Variants in MUC5B observed in about 807,000 individuals in gnomAD.
The protein encoded by MUC5B is mucin 5B, oligomeric mucus/gel-forming, also known as mucin-5B.
MUC5B carries 116 observed loss-of-function variants against 376.9 expected under a neutral mutation model. The observed-to-expected ratio is 0.31, with a 90% confidence interval of 0.26 to 0.36. MUC5B has a LOEUF of 0.36. Ranked by LOEUF, MUC5B falls within the 10% of genes least tolerant of loss-of-function variation. The probability of loss-of-function intolerance (pLI) is 1.00; values close to 1 mark genes in which losing one functional copy is unlikely to be tolerated. For missense variants in MUC5B, 7,165 were observed against 7,769.9 expected, an observed-to-expected ratio of 0.92 and a Z score of 2.93; for synonymous variants, 3,517 against 3,390.9, an observed-to-expected ratio of 1.04 and a Z score of -1.29.
intron 11 of MUC5B, 24 bp from the exon 12 acceptor site, chr11:1,230,466 G>A (rs372570353): frequency 1.8e-5 from 28 of 1,566,276 alleles, no homozygotes; most frequent in Non-Finnish European, 2.0e-5. Flanking sequence ...CAGGCCCAAT[G>A]CACGCGTGGG....
rs1051325599 is a variant in MUC5B at position 1,240,906 on chromosome 11, C to A, written c.4026C>A (p.Ser1342Arg). 4 of 1,612,832 alleles carry A rather than the reference C, an allele frequency of 2.5e-6. No homozygotes were observed. The highest frequency in any genetic ancestry group is 3.4e-6 in the Non-Finnish European group (4 of 1,179,822). ...TCCGCGAGGTCTGCCGCTGGTCCAG[C>A]TGGTACAATGGGCACCGCCCAGAGC... ...VCVREVCRWS[S>R]WYNGHRPEPG... The change falls in exon 31 of 49, where the codon AGC (serine) becomes AGA (arginine). Residue 1342 changes from serine to arginine, a missense_variant. This residue lies in a region of MUC5B where 517 missense variants were observed against 545.3 expected (regional missense o/e 0.95). Coordinates refer to ENST00000529681, the MANE Select transcript of MUC5B (RefSeq NM_002458.3).
Position 1,254,304 on chromosome 11 carries a change from G to T in MUC5B, c.15430G>T (p.Asp5144Tyr), listed in dbSNP as rs748474581. 16 of 1,608,768 alleles carry T rather than the reference G, an allele frequency of 9.9e-6. No individual in the cohort carries two copies. The highest frequency in any genetic ancestry group is 1.6e-4 in the Middle Eastern group (1 of 6,082). Residue 5144 changes from aspartate (D) to tyrosine (Y), a missense_variant, in exon 34 of 49, where the codon GAT becomes TAT. By Grantham distance (160) the Asp-to-Tyr change is radical. Transcript: ENST00000529681. Reference sequence around the variant, plus strand: ...CCTCAGCATCCACTACAAGTCCATGGATATCGTCCTCACTGTCACCATGGT... The same window carrying T: ...CCTCAGCATCCACTACAAGTCCATGTATATCGTCCTCACTGTCACCATGGT... ...RALSIHYKSM[D>Y]IVLTVTMVHG...
chr11:1,235,427 C>T lies in MUC5B; in HGVS notation c.2880+14C>T. 6.2e-7 allele frequency: 1 copy of T among 1,603,390 alleles called. No homozygotes were observed. The highest frequency in any genetic ancestry group is 8.5e-7 in the Non-Finnish European group (1 of 1,174,092). The stretch of plus-strand genomic sequence containing the variant: ...CTCTTCGTGGAGGTGAGAACGGCCC[C>T]AGCTGTGAGCACCCCCGACCCTGCA... On this transcript the variant is annotated intron_variant, in intron 23 of 48. Coordinates refer to ENST00000529681, the MANE Select transcript of MUC5B (RefSeq NM_002458.3).
chr11:1,261,277 A>G (rs2133857416), intron 48 of MUC5B, 112 bp from the exon 49 acceptor site: 1 of 928,624 alleles, frequency 1.1e-6, no homozygotes, highest in East Asian at 2.6e-5. Context: ...CACTGTGGAC[A>G]GAAGGGGGCG....
chr11:1,254,656 A>C (rs1862786411), intron 34 of MUC5B, 38 bp from the exon 35 acceptor site: 1 of 1,591,232 alleles, frequency 6.3e-7, no homozygotes, highest in Admixed American at 1.7e-5. Context: ...CCCACCTGGC[A>C]CTGCCTCCCA....
intron 15 of MUC5B, 143 bp downstream of exon 15, chr11:1,232,303 GC>G: frequency 1.5e-6 from 2 of 1,338,342 alleles, no homozygotes; most frequent in Non-Finnish European, 2.0e-6. Flanking sequence ...GGTGCTTGGG[GC>G]CAGGCGGCCA....
chr11:1,227,605 G>A, intron 6 of MUC5B, 70 bp from the exon 7 acceptor site: 1 of 692,332 alleles, frequency 1.4e-6, no homozygotes, highest in Non-Finnish European at 2.7e-6. Context: ...CTGGGCTCAG[G>A]AAGTGGGAGC....
rs1861978072 is a variant in MUC5B, at chr11:1,229,750, C to T, written c.1163C>T (p.Thr388Ile). The T allele has an allele frequency of 1.9e-6, 3 of 1,600,898 alleles. No homozygotes were observed. Among genetic ancestry groups the T allele is most frequent in the African/African-American group, 2.7e-5 (2 of 74,758 alleles). The change falls in exon 10 of 49, where the codon ACC becomes ATC. Residue 388 changes from threonine to isoleucine, a missense_variant. Transcript: ENST00000529681. ...CTGCCCCTCGGGCAGTGCCCCTGCA[C>T]CCACGGCGGCCGCACCTACAGCCCG... Reference protein sequence around the residue: ...GCLPLGQCPCTHGGRTYSPGT... With the variant: ...GCLPLGQCPCIHGGRTYSPGT...
At chr11:1,236,811 G>A (rs1008143631) in intron 24 of MUC5B, 114 bp from the exon 25 acceptor site, 9 of 1,313,732 alleles carry the variant, frequency 6.9e-6, no homozygotes, top group Non-Finnish European at 9.0e-6. Flanking sequence ...TGGGGAACCG[G>A]CTGCCCTCCC....
In MUC5B at chr11:1,230,931, C is replaced by T. The variant is rs1372454313; in HGVS notation, c.1471-5C>T. 38 of 1,586,106 alleles carry T rather than the reference C, an allele frequency of 2.4e-5. No individual in the cohort carries two copies. The highest frequency in any genetic ancestry group is 1.7e-4 in the Middle Eastern group (1 of 6,026). ...AGCTGACCTCCCGCCCGCCTCCTTC[C>T]GCAGGCCATCCGGGTCCAAGCGGAC... On this transcript the variant is annotated splice_polypyrimidine_tract_variant and splice_region_variant and intron_variant, in intron 12 of 48. Transcript: ENST00000529681.
chr11:1,244,236 G>T lies in MUC5B; in HGVS notation c.7356G>T (p.Thr2452=), dbSNP rs373586502. Residue 2452 remains threonine, a synonymous_variant, in exon 31 of 49, where the codon ACG becomes ACT. Coordinates refer to ENST00000529681, the MANE Select transcript of MUC5B (RefSeq NM_002458.3). ...CTACGACTGAGTCCACTGGATCCAC[G>T]GCCACCCCGTCCTCCACCCCAGGGA... ...TATTTESTGS[T]ATPSSTPGTT... 85 of 1,611,508 alleles carry T rather than the reference G, an allele frequency of 5.3e-5. No individual in the cohort carries two copies. Among genetic ancestry groups the T allele is most frequent in the South Asian group, 1.1e-4 (10 of 90,964 alleles).
rs910503656 is a variant in MUC5B at position 1,234,924 on chromosome 11, G to C, written c.2631-161G>C. On this transcript the variant is annotated intron_variant, in intron 21 of 48. Transcript: ENST00000529681. This position sits in a 1 kb window ranked among gnomAD's most constrained non-coding sequence, Gnocchi z 6.3. ...GGAGCCTGGTGGGGCTGCGTGCCCT[G>C]CATTCACAGTGGGGGACACCACTTC... Among the ~76,000 whole-genome samples, 1 of 152,140 alleles carries C rather than the reference G, an allele frequency of 6.6e-6. No individual in the cohort carries two copies. The highest frequency in any genetic ancestry group is 6.5e-5 in the Admixed American group (1 of 15,280).
At chr11:1,254,423 G>A (rs1040449532) in intron 34 of MUC5B, 72 bp downstream of exon 34, 12 of 1,562,220 alleles carry the variant, frequency 7.7e-6, no homozygotes, top group Middle Eastern at 1.7e-4. Context: ...ACTGCAGGCC[G>A]GGGTGACCCA....
intron 23 of MUC5B, 61 bp from the exon 24 acceptor site, chr11:1,236,325 T>C (rs1031037525): frequency 3.3e-6 from 5 of 1,524,334 alleles, no homozygotes; most frequent in Middle Eastern, 1.8e-4. Flanking sequence ...CATCCCTGGG[T>C]CTCAGGCCCC....
rs1329629213 is a variant in MUC5B, at chr11:1,239,398, C to T, written c.3455-40C>T. 9 of 1,580,732 alleles carry T rather than the reference C, an allele frequency of 5.7e-6. No homozygotes were observed. The East Asian group carries it at 2.0e-4, about 36-fold the overall frequency. On this transcript the variant is annotated intron_variant, in intron 26 of 48. Transcript: ENST00000529681. ...CTGCCCTGCACAACAGGGGTGAGGGCTGGTGGGCGCCTCCTTAGCCTCTGC... is the reference window on the plus strand; with the variant it reads ...CTGCCCTGCACAACAGGGGTGAGGGTTGGTGGGCGCCTCCTTAGCCTCTGC...
Position 1,249,572 on chromosome 11 carries a change from C to G in MUC5B, c.12692C>G (p.Thr4231Ser), listed in dbSNP as rs751294168. 4 of 1,612,704 alleles carry G rather than the reference C, an allele frequency of 2.5e-6. No individual in the cohort carries two copies. The African/African-American group carries it at 5.3e-5, about 22-fold the overall frequency. Residue 4231 changes from threonine (T) to serine (S), a missense_variant, in exon 31 of 49, where the codon ACC (threonine) becomes AGC (serine). Thr to Ser is a moderately conservative substitution (Grantham distance 58). This residue lies in a region of MUC5B where 38 missense variants were observed against 72.5 expected (regional missense o/e 0.52). Transcript: ENST00000529681. ...FCCNYGHCPS[T>S]PATSSTAMPS... is the part of the protein sequence containing the mutation. The stretch of plus-strand genomic sequence containing the variant: ...TGCAACTACGGCCACTGCCCCAGCA[C>G]CCCGGCCACCAGCTCTACGGCCATG...
chr11:1,256,226 G>GT lies in MUC5B; in HGVS notation c.16136+2dup, dbSNP rs1423558363. On this transcript the variant is annotated splice_donor_variant, in intron 38 of 48. Coordinates refer to ENST00000529681, the MANE Select transcript of MUC5B (RefSeq NM_002458.3). LOFTEE classifies it high-confidence loss of function. ...TACAGCCTGCCACCTGCAACTCTAG[G>GT]TAAGTACAGGGATGGCTGGTGCCTT... 2.8e-6 allele frequency: 2 copies of GT among 725,464 alleles called. No individual in the cohort carries two copies. The highest frequency in any genetic ancestry group is 3.5e-5 in the African/African-American group (2 of 57,418). The allele number at this position is 725,464 out of a possible 1,614,324, so 44.9% of individuals were successfully genotyped here.
chr11:1,227,564 G>C lies in MUC5B; in HGVS notation c.668-111G>C. 7.4e-6 allele frequency: 5 copies of C among 677,134 alleles called. No individual in the cohort carries two copies. In the South Asian group the frequency reaches 8.3e-5, roughly 11 times the overall value. 41.9% of individuals were successfully genotyped at this position (677,134 alleles called of 1,614,324 possible). ...GGGAGGAGTGCCCCTCGGGGGTGTT[G>C]GGCCCTAGGCAGGAGTGGGAGTCCT... On this transcript the variant is annotated intron_variant, in intron 6 of 48. Transcript: ENST00000529681.
At chr11:1,228,808 A>G in intron 8 of MUC5B, 43 bp downstream of exon 8, 1 of 1,180,368 alleles carries the variant, frequency 8.5e-7, no homozygotes. Flanking sequence ...TGCCAGAGAG[A>G]AGGGGCAGGG....
Sources: gnomAD v4.1 joint callset for allele counts (sites outside exome capture counted in the v4.1 genomes callset) on GRCh38, gnomAD v4.1.1 for gene constraint, gnomAD v4.1.1 regional missense constraint, Gnocchi (gnomAD v3.1) non-coding constraint, MANE v1.5 for transcripts, NCBI Gene and HGNC (gene_info 2026-07-23, HGNC 2026-07-21) for gene names.